Variants in ATG14 observed in about 807,000 individuals in gnomAD.
The protein encoded by ATG14 is beclin 1-associated autophagy-related key regulator.
In ATG14, 35 loss-of-function variants were observed where a neutral mutation model predicts 60.4. The ratio of observed to expected loss-of-function variants is 0.58; its 90% CI spans 0.44 to 0.77. The LOEUF is 0.77. ATG14 is among the 30% of genes least tolerant of loss of function. The pLI, the probability that ATG14 is intolerant of heterozygous loss-of-function variation, is 0.00. For missense variants in ATG14, 647 were observed against 626.3 expected, an observed-to-expected ratio of 1.03 and a Z score of -0.35; for synonymous variants, 234 against 228.8, an observed-to-expected ratio of 1.02 and a Z score of -0.21.
intron 1 of ATG14, among the ~76,000 whole-genome samples, chr14:55,397,718 G>C (rs75414007): frequency 2.0e-5 from 3 of 152,256 alleles, no homozygotes; most frequent in Non-Finnish European, 4.4e-5. Context: ...AGGCACATCA[G>C]AACACTAAAG....
At chr14:55,397,539 T>A (rs887390638) in intron 1 of ATG14, 105 bp from the exon 2 acceptor site, 5 of 896,782 alleles carry the variant, frequency 5.6e-6, no homozygotes, top group Non-Finnish European at 9.0e-6. Flanking sequence ...CATGTGAAAA[T>A]GTCATTGTCC....
At chr14:55,409,600 A>T (rs1884100974) in intron 1 of ATG14, among the ~76,000 whole-genome samples, 1 of 151,580 alleles carries the variant, frequency 6.6e-6, no homozygotes, top group Admixed American at 6.6e-5. Flanking sequence ...AAGATTTCTG[A>T]GAGAAAGAGT....
chr14:55,408,684 T>C lies in ATG14; in HGVS notation c.221+2918A>G, dbSNP rs530273270. Among the ~76,000 whole-genome samples the C allele has an allele frequency of 5.9e-5, 9 of 152,220 alleles. No individual in the cohort carries two copies. In the South Asian group the frequency reaches 1.0e-3, roughly 18 times the overall value. On this transcript the variant is annotated intron_variant, in intron 1 of 9. Transcript: ENST00000247178. ...TACTCAAAAGGTTAAGATGGGAGGATTGCTTGAGCCCAGGAGTCTGAGGCT... is the reference window on the plus strand; with the variant it reads ...TACTCAAAAGGTTAAGATGGGAGGACTGCTTGAGCCCAGGAGTCTGAGGCT...
rs536094229 is a variant in ATG14 at position 55,369,512 on chromosome 14, C to T, written c.*107G>A. ...AAGACAAAACAAAACAACACTTTAACCTCTTTGTTCCAGACACTATCTTAA... is the reference window on the plus strand; with the variant it reads ...AAGACAAAACAAAACAACACTTTAATCTCTTTGTTCCAGACACTATCTTAA... On this transcript the variant is annotated 3_prime_UTR_variant, in exon 10 of 10. Coordinates refer to ENST00000247178, the MANE Select transcript of ATG14 (RefSeq NM_014924.5). 2 of 1,113,038 alleles carry T rather than the reference C, an allele frequency of 1.8e-6. No homozygotes were observed. The highest frequency in any genetic ancestry group is 2.5e-5 in the South Asian group (1 of 39,716). The allele number at this position is 1,113,038 out of a possible 1,614,324, so 68.9% of individuals were successfully genotyped here.
chr14:55,411,482 T>A, intron 1 of ATG14, 120 bp downstream of exon 1: 2 of 991,380 alleles, frequency 2.0e-6, no homozygotes, highest in South Asian at 3.2e-5. Flanking sequence ...ACACTCCCTC[T>A]CTCTCGCTCC....
intron 1 of ATG14, among the ~76,000 whole-genome samples, chr14:55,406,088 A>G (rs898497131): frequency 2.0e-5 from 3 of 152,230 alleles, no homozygotes; most frequent in Non-Finnish European, 4.4e-5. Context: ...ATTGTCCCCA[A>G]AAGTAAAGAC....
intron 5 of ATG14, 70 bp downstream of exon 5, chr14:55,385,789 G>A (rs925691223): frequency 7.8e-7 from 1 of 1,278,756 alleles, no homozygotes; most frequent in African/African-American, 1.5e-5. Context: ...AATAAATAAG[G>A]TAATGACATA....
At chr14:55,397,298 T>C in intron 2 of ATG14, 74 bp downstream of exon 2, 2 of 1,270,912 alleles carry the variant, frequency 1.6e-6, no homozygotes, top group Non-Finnish European at 2.3e-6. Flanking sequence ...TATATCTGCA[T>C]ACCACAGCAC....
At position 55,368,851 on chromosome 14, in the gene ATG14, T is replaced by C. The variant is rs1398465214; in HGVS notation, c.*768A>G. 6.6e-6 allele frequency: 1 copy of C among 152,324 alleles called. No individual in the cohort carries two copies. The highest frequency in any genetic ancestry group is 1.9e-4 in the East Asian group (1 of 5,196). 9.4% of individuals were successfully genotyped at this position (152,324 alleles called of 1,614,324 possible). On this transcript the variant is annotated 3_prime_UTR_variant, in exon 10 of 10. Transcript: ENST00000247178. ...AATTTCAAAATGCTCATAGTGTGGA[T>C]GGCAGGAATTCAACTAGGTAAGAAT...
chr14:55,397,175 G>A (rs1462553675), intron 2 of ATG14, among the ~76,000 whole-genome samples, 197 bp downstream of exon 2: 1 of 152,144 alleles, frequency 6.6e-6, no homozygotes, highest in African/African-American at 2.4e-5. Context: ...CACCGGATCT[G>A]AGGCCAGTAT....
At chr14:55,382,563 A>G (rs1014544502) in intron 5 of ATG14, among the ~76,000 whole-genome samples, 2 of 152,106 alleles carry the variant, frequency 1.3e-5, no homozygotes, top group Non-Finnish European at 2.9e-5. Context: ...GCCTCAAACA[A>G]TCCTCTGAAA....
chr14:55,387,404 G>A (rs1281022603), intron 4 of ATG14, among the ~76,000 whole-genome samples: 2 of 152,092 alleles, frequency 1.3e-5, no homozygotes, highest in African/African-American at 4.8e-5. Context: ...TTTTCTAAAT[G>A]TTTGAATTTT....
intron 6 of ATG14, 102 bp from the exon 7 acceptor site, chr14:55,380,792 T>A: frequency 1.6e-6 from 1 of 640,166 alleles, no homozygotes; most frequent in Non-Finnish European, 2.6e-6. Context: ...ATAGCACTGT[T>A]ACGTTTTAGT....
In ATG14 at chr14:55,397,428, G is replaced by A. The variant is rs61743178; in HGVS notation, c.228C>T (p.Ile76=). 75,158 of 1,606,084 alleles carry A rather than the reference G, an allele frequency of 0.047. 2,099 individuals carry two copies. Among genetic ancestry groups the A allele is most frequent in the Middle Eastern group, 0.08 (482 of 6,040 alleles). The change falls in exon 2 of 10, where the codon ATC becomes ATT. Residue 76 remains isoleucine (I), a synonymous_variant. Coordinates refer to ENST00000247178, the MANE Select transcript of ATG14 (RefSeq NM_014924.5). ...GTCGGCTTAACCTTTCCTTCTTGTC[G>A]ATAAACCTGTAACAAAAAAATTCAA... is the stretch of plus-strand genomic sequence containing the variant. ...YFDGRDRERF[I]DKKERLSRLK... is the part of the protein sequence containing the mutation.
chr14:55,406,762 T>TG (rs2140154192), intron 1 of ATG14, among the ~76,000 whole-genome samples: 1 of 152,310 alleles, frequency 6.6e-6, no homozygotes, highest in South Asian at 2.1e-4. Flanking sequence ...AAGAGAAAGA[T>TG]GGAGAGTTAG....
At chr14:55,382,266 GC>G (rs1156631110) in intron 5 of ATG14, 75 bp from the exon 6 acceptor site, 11 of 1,342,864 alleles carry the variant, frequency 8.2e-6, no homozygotes, top group Admixed American at 5.7e-5. Flanking sequence ...TGCAAGACAT[GC>G]TAGAACATCG....
intron 9 of ATG14, among the ~76,000 whole-genome samples, chr14:55,371,753 G>A (rs888599285): frequency 6.6e-6 from 1 of 152,028 alleles, no homozygotes; most frequent in Non-Finnish European, 1.5e-5. Flanking sequence ...GCAGTGAGCC[G>A]AGATGGCGCC....
In ATG14 at chr14:55,369,938, A is replaced by C. The variant is rs142201453; in HGVS notation, c.1173-13T>G. On this transcript the variant is annotated splice_polypyrimidine_tract_variant and intron_variant, in intron 9 of 9. Transcript: ENST00000247178. ...AAAGGGCCCTGACCTGTGTGCAGACAATGAGGGTCTCTTTAGGATAACAAC... is the reference window on the plus strand; with the variant it reads ...AAAGGGCCCTGACCTGTGTGCAGACCATGAGGGTCTCTTTAGGATAACAAC... 236 of 1,578,766 alleles carry C rather than the reference A, an allele frequency of 1.5e-4. 1 individual carries two copies. The African/African-American group carries it at 3.0e-3, about 20-fold the overall frequency.
At chr14:55,395,339 T>C in intron 3 of ATG14, 1 of 226,390 alleles carries the variant, frequency 4.4e-6, no homozygotes, top group Non-Finnish European at 8.9e-6. Context: ...CCCAAACTCT[T>C]TAATTGTTAA....
Sources: gnomAD v4.1 joint callset for allele counts (sites outside exome capture counted in the v4.1 genomes callset) on GRCh38, gnomAD v4.1.1 for gene constraint, MANE v1.5 for transcripts, NCBI Gene and HGNC (gene_info 2026-07-23, HGNC 2026-07-21) for gene names.